The following DSG2 variants were observed in gnomAD, a reference collection of about 807,000 sequenced individuals.
DSG2 encodes the protein desmoglein-2.
DSG2 carries 45 observed loss-of-function variants against 75.6 expected under a neutral mutation model. The observed-to-expected ratio is 0.60, with a 90% CI of 0.47 to 0.76. The LOEUF (loss-of-function observed/expected upper bound fraction) is 0.76. DSG2 is among the 30% of genes least tolerant of loss of function. The pLI, the probability that DSG2 is intolerant of heterozygous loss-of-function variation, is 0.00. For synonymous variants in DSG2, 429 were observed against 483.9 expected (o/e 0.89, Z 1.49); for missense variants, 1,267 against 1,357.4 (o/e 0.93, Z 1.05).
intron 9 of DSG2, among the ~76,000 whole-genome samples, chr18:31,534,909 G>A (rs1196978153): frequency 1.3e-5 from 2 of 152,208 alleles, no homozygotes; most frequent in African/African-American, 4.8e-5. Context: ...AGTGCTTATT[G>A]TATAACTAAG....
In DSG2 at chr18:31,519,924, A is replaced by T; in HGVS notation, c.203A>T (p.Asn68Ile). 2 of 1,614,192 alleles carry T rather than the reference A, an allele frequency of 1.2e-6. No homozygotes were observed. Among genetic ancestry groups the T allele is most frequent in the Non-Finnish European group, 8.5e-7 (1 of 1,180,038 alleles). The change falls in exon 3 of 15, where the codon AAT becomes ATT. Residue 68 changes from asparagine (N) to isoleucine (I), a missense_variant. Transcript: ENST00000261590. Reference sequence around the variant, plus strand: ...GAGGGAGAGGATCTGTCCAAGAAGAATCCAATTGCCAAGGTACCTCCTAAA... The same window carrying T: ...GAGGGAGAGGATCTGTCCAAGAAGATTCCAATTGCCAAGGTACCTCCTAAA... ...LREGEDLSKKNPIAKIHSDLA... is the reference protein window; with the variant it reads ...LREGEDLSKKIPIAKIHSDLA...
chr18:31,500,983 T>C (rs2073010708), intron 1 of DSG2, among the ~76,000 whole-genome samples: 1 of 152,206 alleles, frequency 6.6e-6, no homozygotes, highest in Non-Finnish European at 1.5e-5. Context: ...GCAGTAGCTG[T>C]GACTATCACA....
At position 31,535,384 on chromosome 18, in the gene DSG2, C is replaced by T; in HGVS notation, c.1395C>T (p.Tyr465=). 6.2e-7 allele frequency: 1 copy of T among 1,611,754 alleles called. No homozygotes were observed. The highest frequency in any genetic ancestry group is 8.5e-7 in the Non-Finnish European group (1 of 1,178,328). ...FESRYVQNGT[Y]TVKIVAISED... ...CTAGATATGTTCAAAATGGCACATACACTGTAAAGATTGTGGCCATATCAG... is the reference window on the plus strand; with the variant it reads ...CTAGATATGTTCAAAATGGCACATATACTGTAAAGATTGTGGCCATATCAG... Residue 465 remains tyrosine (Y), a synonymous_variant, in exon 10 of 15, where the codon TAC becomes TAT. Coordinates refer to ENST00000261590, the MANE Select transcript of DSG2 (RefSeq NM_001943.5).
chr18:31,527,942 C>G (rs1036912693), intron 8 of DSG2, among the ~76,000 whole-genome samples: 2 of 152,148 alleles, frequency 1.3e-5, no homozygotes, highest in Admixed American at 1.3e-4. Context: ...TTTGAAAGAG[C>G]ATTGATCCCA....
intron 14 of DSG2, 70 bp from the exon 15 acceptor site, chr18:31,545,651 G>C: frequency 6.4e-7 from 1 of 1,552,956 alleles, no homozygotes; most frequent in Non-Finnish European, 8.7e-7. Context: ...ATAGAGTCTT[G>C]TTTTAAAATG....
At chr18:31,514,064 G>C (rs983681927) in intron 1 of DSG2, among the ~76,000 whole-genome samples, 1 of 152,152 alleles carries the variant, frequency 6.6e-6, no homozygotes, top group Admixed American at 6.5e-5. Context: ...AATGCAATGT[G>C]GAATCGTAGA....
intron 1 of DSG2, among the ~76,000 whole-genome samples, chr18:31,506,937 T>G (rs1479863504): frequency 6.6e-6 from 1 of 152,192 alleles, no homozygotes; most frequent in Non-Finnish European, 1.5e-5. Context: ...TTTCTTTTTT[T>G]TTAATTATAC....
intron 1 of DSG2, among the ~76,000 whole-genome samples, chr18:31,503,641 T>C (rs749742097): frequency 3.9e-5 from 6 of 151,952 alleles, no homozygotes; most frequent in Non-Finnish European, 5.9e-5. Context: ...AAAGAAGAGA[T>C]AGGATTTGAG....
chr18:31,502,262 G>C (rs1046257035), intron 1 of DSG2, among the ~76,000 whole-genome samples: 1 of 152,032 alleles, frequency 6.6e-6, no homozygotes, highest in Non-Finnish European at 1.5e-5. Flanking sequence ...CCTGGGGCGG[G>C]CTCACTACAA....
At chr18:31,537,717 G>A (rs565726452) in intron 11 of DSG2, among the ~76,000 whole-genome samples, 4 of 152,054 alleles carry the variant, frequency 2.6e-5, no homozygotes, top group South Asian at 4.2e-4. Flanking sequence ...TCAATAACAA[G>A]TTGAAGCCGG....
Position 31,546,376 on chromosome 18 carries a change from G to C in DSG2, c.2990G>C (p.Gly997Ala). 1 of 1,614,096 alleles carries C rather than the reference G, an allele frequency of 6.2e-7. No individual in the cohort carries two copies. The highest frequency in any genetic ancestry group is 8.5e-7 in the Non-Finnish European group (1 of 1,179,974). The change falls in exon 15 of 15, where the codon GGT becomes GCT. Residue 997 changes from glycine (G) to alanine (A), a missense_variant. Physicochemically the swap from Gly to Ala is moderately conservative, Grantham distance 60 (BLOSUM62 0). Coordinates refer to ENST00000261590, the MANE Select transcript of DSG2 (RefSeq NM_001943.5). ...GAAAGAGTAATACAGCCTCATGGGGGTGGATCGAATCCTCTGGAAGGCACT... is the reference window on the plus strand; with the variant it reads ...GAAAGAGTAATACAGCCTCATGGGGCTGGATCGAATCCTCTGGAAGGCACT... Reference protein sequence around the residue: ...VTERVIQPHGGGSNPLEGTQH... With the variant: ...VTERVIQPHGAGSNPLEGTQH...
At chr18:31,500,824 A>C (rs912576026) in intron 1 of DSG2, among the ~76,000 whole-genome samples, 8 of 152,216 alleles carry the variant, frequency 5.3e-5, no homozygotes, top group African/African-American at 1.9e-4. Flanking sequence ...TTTGCAATCC[A>C]TCAACTCCCA....
Position 31,520,784 on chromosome 18 carries a change from C to A in DSG2, c.217-19C>A. 1.2e-6 allele frequency: 2 copies of A among 1,612,064 alleles called. No homozygotes were observed. The highest frequency in any genetic ancestry group is 8.5e-7 in the Non-Finnish European group (1 of 1,178,818). ...TACAGAGAGTTCAACCTGAAACATT[C>A]CTGTTATTTTTATGTTAGATACATT... is the stretch of plus-strand genomic sequence containing the variant. On this transcript the variant is annotated intron_variant, in intron 3 of 14. Coordinates refer to ENST00000261590, the MANE Select transcript of DSG2 (RefSeq NM_001943.5).
intron 1 of DSG2, among the ~76,000 whole-genome samples, chr18:31,509,855 A>G (rs187303457): frequency 5.4e-4 from 83 of 152,348 alleles, no homozygotes; most frequent in Admixed American, 2.5e-3. Context: ...ATACAAATAG[A>G]AAAGTCAGGA....
Position 31,498,184 on chromosome 18 carries a change from C to G in DSG2, c.-68C>G. The G allele has an allele frequency of 8.2e-7, 1 of 1,212,634 alleles. No individual in the cohort carries two copies. The highest frequency in any genetic ancestry group is 1.0e-6 in the Non-Finnish European group (1 of 971,966). 75.1% of individuals were successfully genotyped at this position (1,212,634 alleles called of 1,614,324 possible). A position where few individuals can be genotyped will look rare whatever the true frequency, so the allele number is the denominator to read the frequency against. ...GGGGAGGCCGGGGCCAGGGAGGAGC[C>G]GAGTGCGCGCTCGGGGCAGGCGGCG... On this transcript the variant is annotated 5_prime_UTR_variant, in exon 1 of 15. Transcript: ENST00000261590.
At position 31,519,823 on chromosome 18, in the gene DSG2, A is replaced by G; in HGVS notation, c.102A>G (p.Glu34=). Residue 34 remains glutamate, a synonymous_variant, in exon 3 of 15, where the codon GAA becomes GAG. Transcript: ENST00000261590. The part of the protein sequence containing the change: ...LHLQVLSTRN[E]NKLLPKHPHL... ...TATAGGTCTTAAGCACAAGAAATGA[A>G]AATAAGCTGCTTCCTAAACATCCTC... 1 of 1,614,220 alleles carries G rather than the reference A, an allele frequency of 6.2e-7. No individual in the cohort carries two copies.
chr18:31,505,854 GTT>G (rs2073036785), intron 1 of DSG2, among the ~76,000 whole-genome samples: 2 of 152,010 alleles, frequency 1.3e-5, no homozygotes, highest in South Asian at 4.1e-4. Flanking sequence ...TAGAGACAGA[GTT>G]TCACCATGTT....
chr18:31,525,860 G>A (rs369343250), intron 8 of DSG2, among the ~76,000 whole-genome samples: 6 of 152,162 alleles, frequency 3.9e-5, no homozygotes, highest in African/African-American at 9.7e-5. Context: ...AGGATGGGCC[G>A]GGTGTGGTGG....
intron 1 of DSG2, among the ~76,000 whole-genome samples, chr18:31,510,284 T>C: frequency 6.6e-6 from 1 of 152,266 alleles, no homozygotes; most frequent in East Asian, 1.9e-4. Context: ...TGTTTTAAAC[T>C]AATTTGTATT....
Sources: gnomAD v4.1 joint callset for allele counts (sites outside exome capture counted in the v4.1 genomes callset) on GRCh38, gnomAD v4.1.1 for gene constraint, MANE v1.5 for transcripts, NCBI Gene and HGNC (gene_info 2026-07-23, HGNC 2026-07-21) for gene names.